NELL1: variants seen among roughly 807,000 people sequenced by gnomAD.
NELL1 encodes protein kinase C-binding protein NELL1.
Under a neutral mutation model 107.4 loss-of-function variants are expected in NELL1, and 76 were observed. That is an observed-to-expected ratio of 0.71 (90% CI 0.59 to 0.86). NELL1 has a LOEUF of 0.86. Among genes scored for constraint, NELL1 ranks in the 40% least tolerant of loss-of-function variants. The pLI is 0.00. For synonymous variants in NELL1, 353 were observed against 341.2 expected (o/e 1.03, Z -0.38); for missense variants, 1,024 against 1,005.5 (o/e 1.02, Z -0.25).
At chr11:21,019,055 T>C (rs1163684793) in intron 12 of NELL1, among the ~76,000 whole-genome samples, 1 of 152,202 alleles carries the variant, frequency 6.6e-6, no homozygotes, top group Non-Finnish European at 1.5e-5. Flanking sequence ...CAGGGAGATA[T>C]AATAGAGTTT....
At chr11:20,915,715 A>ATTT (rs1564964682) in intron 5 of NELL1, among the ~76,000 whole-genome samples, 3 of 58,948 alleles carry the variant, frequency 5.1e-5, no homozygotes, top group Non-Finnish European at 8.8e-5. Context: ...ATATATATAT[A>ATTT]TATTTTTTTT....
At chr11:21,548,803 G>C (rs1856504568) in intron 16 of NELL1, among the ~76,000 whole-genome samples, 1 of 151,444 alleles carries the variant, frequency 6.6e-6, no homozygotes, top group African/African-American at 2.4e-5. Flanking sequence ...TTTGTGTCCT[G>C]ACAAAAGAAT....
Position 21,261,009 on chromosome 11 carries a change from C to T in NELL1, c.1549+31555C>T, listed in dbSNP as rs371079991. On this transcript the variant is annotated intron_variant, in intron 14 of 19. Coordinates refer to ENST00000357134, the MANE Select transcript of NELL1 (RefSeq NM_006157.5). ...TAAGTGGAGGTAATATTAAAGAACC[C>T]TCTATACCTTATTGAATAGAAATTC... Among the ~76,000 whole-genome samples the T allele has an allele frequency of 2.0e-5, 3 of 151,750 alleles. No individual in the cohort carries two copies. The East Asian group carries it at 5.8e-4, about 30-fold the overall frequency.
chr11:20,916,259 G>A (rs774354735), intron 5 of NELL1, among the ~76,000 whole-genome samples: 4 of 151,754 alleles, frequency 2.6e-5, no homozygotes, highest in South Asian at 2.1e-4. Flanking sequence ...ACATACACAC[G>A]CAGGTACCAC....
chr11:21,455,950 A>G (rs2133865114), intron 15 of NELL1, among the ~76,000 whole-genome samples: 1 of 139,018 alleles, frequency 7.2e-6, no homozygotes, highest in South Asian at 2.5e-4. Context: ...GTGCAGTGGC[A>G]TGATCTCGGC....
chr11:20,939,419 G>A lies in NELL1; in HGVS notation c.1071+1560G>A, dbSNP rs531855734. Among the ~76,000 whole-genome samples, 8 of 151,990 alleles carry A rather than the reference G, an allele frequency of 5.3e-5. No homozygotes were observed. The South Asian group carries it at 1.5e-3, about 28-fold the overall frequency. ...CAGAAGTTAGGAAGCAGAAACCATAGCAATGACCTAGTAGCGGGGATCCCG... is the reference window on the plus strand; with the variant it reads ...CAGAAGTTAGGAAGCAGAAACCATAACAATGACCTAGTAGCGGGGATCCCG... On this transcript the variant is annotated intron_variant, in intron 10 of 19. Transcript: ENST00000357134.
intron 10 of NELL1, among the ~76,000 whole-genome samples, chr11:20,942,228 C>T (rs546751013): frequency 2.6e-5 from 4 of 152,208 alleles, no homozygotes; most frequent in East Asian, 3.9e-4. Flanking sequence ...CAGACTGTAC[C>T]CTAAAGGTTA....
chr11:20,980,744 C>T (rs2134243393), intron 12 of NELL1, among the ~76,000 whole-genome samples: 1 of 152,270 alleles, frequency 6.6e-6, no homozygotes, highest in South Asian at 2.1e-4. Context: ...ATAGTCTGAC[C>T]ACTGGGTAAC....
chr11:21,358,565 A>ATTTTTTTTTTTTTTTTT (rs75578174), intron 14 of NELL1, among the ~76,000 whole-genome samples: 1 of 97,682 alleles, frequency 1.0e-5, no homozygotes, highest in Non-Finnish European at 2.0e-5. Flanking sequence ...TGCCCTGATA[A>ATTTTTTTTTTTTTTTTT]TTTTTTTTTT....
At chr11:21,435,445 GT>G (rs57994259) in intron 15 of NELL1, among the ~76,000 whole-genome samples, 65,326 of 137,544 alleles carry the variant, frequency 0.47, 15,614 homozygotes, top group African/African-American at 0.61. Flanking sequence ...TTTGTTTTTT[GT>G]TTTTTTTTTA....
intron 14 of NELL1, among the ~76,000 whole-genome samples, chr11:21,343,409 C>T (rs1341663716): frequency 1.3e-5 from 2 of 152,140 alleles, no homozygotes; most frequent in African/African-American, 2.4e-5. Flanking sequence ...CTACTCTGCT[C>T]AATCTCTTAG....
intron 5 of NELL1, among the ~76,000 whole-genome samples, chr11:20,916,062 C>T (rs756136417): frequency 2.7e-4 from 41 of 151,698 alleles, no homozygotes; most frequent in Admixed American, 1.1e-3. Context: ...ATTAACATTC[C>T]CATCTTGATT....
chr11:20,808,752 T>A (rs1209241098), intron 3 of NELL1, among the ~76,000 whole-genome samples: 3 of 152,214 alleles, frequency 2.0e-5, no homozygotes, highest in Non-Finnish European at 4.4e-5. Flanking sequence ...CTGTGGGCAT[T>A]GGCTGAATTC....
At chr11:21,051,205 A>T (rs1853485188) in intron 12 of NELL1, among the ~76,000 whole-genome samples, 1 of 152,188 alleles carries the variant, frequency 6.6e-6, no homozygotes. Context: ...ACTCAGCCAT[A>T]AAAAGGAATG....
chr11:20,991,257 G>A (rs115047873), intron 12 of NELL1, among the ~76,000 whole-genome samples: 2,584 of 152,234 alleles, frequency 0.017, 63 homozygotes, highest in African/African-American at 0.058. Context: ...TTGTTGTAAT[G>A]CATTGTCTTT....
At chr11:21,353,214 A>C (rs1471644021) in intron 14 of NELL1, among the ~76,000 whole-genome samples, 1 of 152,194 alleles carries the variant, frequency 6.6e-6, no homozygotes, top group Non-Finnish European at 1.5e-5. Context: ...ATTCAGCATG[A>C]TTGAGGAACT....
rs150946033 is a variant in NELL1 at position 21,466,547 on chromosome 11, C to A, written c.1646-67827C>A. Among the ~76,000 whole-genome samples, 100 of 152,240 alleles carry A rather than the reference C, an allele frequency of 6.6e-4. 1 individual carries two copies. Among genetic ancestry groups the A allele is most frequent in the Middle Eastern group, 6.8e-3 (2 of 294 alleles). On this transcript the variant is annotated intron_variant, in intron 15 of 19. Transcript: ENST00000357134. ...CAGTGGAAAGAGATGAGCAATGAAT[C>A]CTACTCTGGAGCAATAGTTTTAAAA... is the stretch of plus-strand genomic sequence containing the variant.
intron 15 of NELL1, among the ~76,000 whole-genome samples, chr11:21,492,846 GTAAC>G (rs1854864047): frequency 6.6e-6 from 1 of 151,890 alleles, no homozygotes; most frequent in Non-Finnish European, 1.5e-5. Context: ...GTATACATAT[GTAAC>G]TAACGTGCAC....
At chr11:21,453,681 T>A (rs1437849628) in intron 15 of NELL1, among the ~76,000 whole-genome samples, 1 of 152,080 alleles carries the variant, frequency 6.6e-6, no homozygotes, top group Non-Finnish European at 1.5e-5. Context: ...TGCTTAAATT[T>A]TATTTACACC....
Sources: gnomAD v4.1 joint callset for allele counts (sites outside exome capture counted in the v4.1 genomes callset) on GRCh38, gnomAD v4.1.1 for gene constraint, MANE v1.5 for transcripts, NCBI Gene and HGNC (gene_info 2026-07-23, HGNC 2026-07-21) for gene names.